The following SPIRE1 variants were observed in gnomAD, a reference collection of about 807,000 sequenced individuals.
SPIRE1 encodes the protein spire type actin nucleation factor 1.
Under a neutral mutation model 94.1 loss-of-function variants are expected in SPIRE1, and 40 were observed. That is an observed-to-expected ratio of 0.43 (90% CI 0.33 to 0.55). SPIRE1 has a LOEUF of 0.55. SPIRE1 is among the 20% of genes least tolerant of loss of function. SPIRE1 has a pLI of 0.06. For missense variants in SPIRE1, 838 were observed against 975.2 expected (o/e 0.86, Z 1.87); for synonymous variants, 376 against 371.7 (o/e 1.01, Z -0.13).
chr18:12,564,870 A>C (rs2035778007), intron 2 of SPIRE1, among the ~76,000 whole-genome samples: 1 of 152,204 alleles, frequency 6.6e-6, no homozygotes, highest in Non-Finnish European at 1.5e-5. Flanking sequence ...AAAGAGAACA[A>C]AGACTGGGGA....
intron 2 of SPIRE1, among the ~76,000 whole-genome samples, chr18:12,591,797 G>A (rs533439388): frequency 7.6e-4 from 116 of 151,828 alleles, no homozygotes; most frequent in African/African-American, 2.8e-3. Flanking sequence ...GTGAAACCCC[G>A]TCTCTACTAA....
intron 12 of SPIRE1, among the ~76,000 whole-genome samples, chr18:12,458,705 G>C (rs1948183656): frequency 6.6e-6 from 1 of 152,158 alleles, no homozygotes; most frequent in Non-Finnish European, 1.5e-5. Flanking sequence ...ATCTCTGTTT[G>C]GGGAGAATTG....
chr18:12,487,027 A>G (rs1422471943), intron 8 of SPIRE1, among the ~76,000 whole-genome samples: 3 of 151,998 alleles, frequency 2.0e-5, no homozygotes, highest in Non-Finnish European at 4.4e-5. Flanking sequence ...TACCGTTTGT[A>G]TTTTTAGTAG....
chr18:12,524,750 G>C (rs1410661529), intron 4 of SPIRE1, among the ~76,000 whole-genome samples: 1 of 152,056 alleles, frequency 6.6e-6, no homozygotes, highest in East Asian at 1.9e-4. Context: ...AAGGTGGCAG[G>C]ATCACTTGAG....
intron 4 of SPIRE1, 124 bp from the exon 5 acceptor site, chr18:12,512,655 A>G (rs565601532): frequency 1.6e-6 from 1 of 637,644 alleles, no homozygotes; most frequent in African/African-American, 1.8e-5. Flanking sequence ...TACAGAATCT[A>G]TTGCTCCGTA....
At chr18:12,465,491 A>AG (rs1261698954) in intron 10 of SPIRE1, among the ~76,000 whole-genome samples, 4 of 152,146 alleles carry the variant, frequency 2.6e-5, no homozygotes, top group Non-Finnish European at 2.9e-5. Context: ...ATTGTGAAAG[A>AG]GGGTATTTAA....
At chr18:12,534,536 G>A (rs1051532746) in intron 4 of SPIRE1, among the ~76,000 whole-genome samples, 4 of 152,172 alleles carry the variant, frequency 2.6e-5, no homozygotes, top group African/African-American at 9.7e-5. Context: ...CTCAGTTTAG[G>A]TGGGCACCAT....
At chr18:12,475,431 A>G (rs2032525507) in intron 10 of SPIRE1, among the ~76,000 whole-genome samples, 1 of 152,096 alleles carries the variant, frequency 6.6e-6, no homozygotes. Flanking sequence ...AAGGGCAGAG[A>G]CCATCATATT....
intron 9 of SPIRE1, among the ~76,000 whole-genome samples, chr18:12,480,258 T>TA (rs1439845924): frequency 6.6e-6 from 1 of 152,218 alleles, no homozygotes; most frequent in Non-Finnish European, 1.5e-5. Flanking sequence ...CACATGGCTG[T>TA]AAGATCTGAA....
At chr18:12,523,893 A>G (rs1023994871) in intron 4 of SPIRE1, among the ~76,000 whole-genome samples, 1 of 152,132 alleles carries the variant, frequency 6.6e-6, no homozygotes, top group Non-Finnish European at 1.5e-5. Flanking sequence ...ATCTCACTAC[A>G]TTGCCCACTC....
At chr18:12,627,514 A>T (rs1598554654) in intron 2 of SPIRE1, among the ~76,000 whole-genome samples, 1 of 152,320 alleles carries the variant, frequency 6.6e-6, no homozygotes, top group East Asian at 1.9e-4. Flanking sequence ...GTGCCACAGT[A>T]AACATATGTG....
chr18:12,645,421 C>A (rs2038197805), intron 1 of SPIRE1, among the ~76,000 whole-genome samples: 1 of 152,186 alleles, frequency 6.6e-6, no homozygotes, highest in African/African-American at 2.4e-5. Context: ...CCCTGTCACC[C>A]AAGCACCCAG....
intron 2 of SPIRE1, among the ~76,000 whole-genome samples, chr18:12,568,113 C>T (rs753233336): frequency 2.6e-5 from 4 of 152,304 alleles, no homozygotes; most frequent in South Asian, 2.1e-4. Context: ...GTATGGCATA[C>T]GTAGACGTAG....
At chr18:12,631,372 T>C (rs962285349) in intron 2 of SPIRE1, among the ~76,000 whole-genome samples, 37 of 151,052 alleles carry the variant, frequency 2.4e-4, no homozygotes, top group African/African-American at 9.0e-4. Flanking sequence ...ATGAGAACAG[T>C]GGAATTGTTT....
chr18:12,611,208 C>T (rs1334613947), intron 2 of SPIRE1, among the ~76,000 whole-genome samples: 2 of 152,192 alleles, frequency 1.3e-5, no homozygotes, highest in African/African-American at 4.8e-5. Context: ...GGTTATCCAG[C>T]CTCCATGAAG....
At chr18:12,539,324 T>C (rs2034937902) in intron 3 of SPIRE1, among the ~76,000 whole-genome samples, 1 of 152,098 alleles carries the variant, frequency 6.6e-6, no homozygotes, top group African/African-American at 2.4e-5. Context: ...AGGAGGAGTT[T>C]CCCTGCACAA....
intron 2 of SPIRE1, among the ~76,000 whole-genome samples, chr18:12,580,834 G>C (rs1372074522): frequency 1.3e-5 from 2 of 152,156 alleles, no homozygotes; most frequent in Non-Finnish European, 2.9e-5. Flanking sequence ...CTTGGGTTTA[G>C]GAGTTCGACA....
At chr18:12,615,465 G>C (rs1375640999) in intron 2 of SPIRE1, among the ~76,000 whole-genome samples, 3 of 138,542 alleles carry the variant, frequency 2.2e-5, no homozygotes, top group Non-Finnish European at 3.1e-5. Context: ...GCTTGAACCA[G>C]GGAGGTGGAG....
intron 2 of SPIRE1, among the ~76,000 whole-genome samples, chr18:12,628,684 C>T (rs12606465): frequency 0.56 from 85,036 of 151,970 alleles, 24,960 homozygotes; most frequent in Middle Eastern, 0.76. Context: ...TCCATAAGCA[C>T]GGAATGTTCT....
Sources: gnomAD v4.1 joint callset for allele counts (sites outside exome capture counted in the v4.1 genomes callset) on GRCh38, gnomAD v4.1.1 for gene constraint, MANE v1.5 for transcripts, NCBI Gene and HGNC (gene_info 2026-07-23, HGNC 2026-07-21) for gene names.